SRCIN1: variants seen among roughly 807,000 people sequenced by gnomAD.
SRCIN1 encodes the protein SRC kinase signaling inhibitor 1.
In SRCIN1, 50 loss-of-function variants were observed where a neutral mutation model predicts 116.2. The observed-to-expected ratio is 0.43, with a 90% CI of 0.34 to 0.54. The LOEUF (loss-of-function observed/expected upper bound fraction) is 0.54, where lower values mean the gene tolerates loss of function less well. Among genes scored for constraint, SRCIN1 ranks in the 20% least tolerant of loss-of-function variants. The probability of loss-of-function intolerance (pLI) is 0.02; values close to 1 mark genes in which losing one functional copy is unlikely to be tolerated. For missense variants in SRCIN1, 1,446 were observed against 1,672.0 expected, an observed-to-expected ratio of 0.86 and a Z score of 2.36; for synonymous variants, 736 against 750.0, an observed-to-expected ratio of 0.98 and a Z score of 0.30.
In SRCIN1 at chr17:38,549,091, C is replaced by T. The variant is rs765311895; in HGVS notation, c.3082G>A (p.Val1028Met). 2 of 1,612,900 alleles carry T rather than the reference C, an allele frequency of 1.2e-6. No homozygotes were observed. The highest frequency in any genetic ancestry group is 1.7e-6 in the Non-Finnish European group (2 of 1,179,672). The part of the protein sequence containing the change: ...GLTTTRTGEV[V>M]VTSKKDSAFI... The stretch of plus-strand genomic sequence containing the variant: ...GCCGAGTCCTTCTTGCTGGTGACCA[C>T]CACCTCTCCGGTACGTGTGGTGGTC... The change falls in exon 16 of 19, where the codon GTG becomes ATG. Residue 1028 changes from valine (V) to methionine (M), a missense_variant. Val to Met is a conservative substitution (Grantham distance 21, BLOSUM62 1). This residue lies in a region of SRCIN1 where 531 missense variants were observed against 633.9 expected (regional missense o/e 0.84). Coordinates refer to ENST00000617146, the MANE Select transcript of SRCIN1 (RefSeq NM_025248.3).
chr17:38,551,859 C>T (rs1436046801), intron 14 of SRCIN1, 27 bp downstream of exon 14: 3 of 1,612,578 alleles, frequency 1.9e-6, no homozygotes, highest in African/African-American at 1.3e-5. Context: ...GGCTCATGGC[C>T]CCACCCACAA....
chr17:38,534,854 G>A (rs1023566096), intron 18 of SRCIN1, among the ~76,000 whole-genome samples: 1 of 152,218 alleles, frequency 6.6e-6, no homozygotes, highest in Non-Finnish European at 1.5e-5. Context: ...AGGGCCGGGT[G>A]TGGTGGCTCA....
chr17:38,580,223 G>A (rs1907709715), intron 1 of SRCIN1, among the ~76,000 whole-genome samples: 1 of 152,126 alleles, frequency 6.6e-6, no homozygotes, highest in Admixed American at 6.5e-5. Context: ...CCCCTGCCCA[G>A]CCACAGAGGA....
chr17:38,556,937 C>G (rs1359847294), intron 11 of SRCIN1, among the ~76,000 whole-genome samples: 2 of 152,100 alleles, frequency 1.3e-5, no homozygotes, highest in African/African-American at 2.4e-5. Context: ...AAATTCCAAC[C>G]CCCCTCCTCT....
Position 38,552,176 on chromosome 17 carries a change from G to C in SRCIN1, c.2481-44C>G. The C allele has an allele frequency of 6.3e-7, 1 of 1,578,004 alleles. No homozygotes were observed. The highest frequency in any genetic ancestry group is 8.6e-7 in the Non-Finnish European group (1 of 1,160,058). ...GGAGCAGCTGTGAGGCCAGCAGGTGGTGACCCTTCTGCAGGAAGGCTGCTC... is the reference window on the plus strand; with the variant it reads ...GGAGCAGCTGTGAGGCCAGCAGGTGCTGACCCTTCTGCAGGAAGGCTGCTC... On this transcript the variant is annotated intron_variant, in intron 13 of 18. Transcript: ENST00000617146. The surrounding 1 kb of genome is among the most constrained non-coding windows in gnomAD (Gnocchi z 5.3).
chr17:38,573,621 C>T (rs1907230531), intron 2 of SRCIN1, among the ~76,000 whole-genome samples: 3 of 152,342 alleles, frequency 2.0e-5, no homozygotes, highest in African/African-American at 2.4e-5. Context: ...CCCAGTCCAG[C>T]CTCACTCCTG....
rs2143195720 is a variant in SRCIN1 at position 38,562,769 on chromosome 17, G to A, written c.834+58C>T. The A allele has an allele frequency of 6.8e-7, 1 of 1,480,892 alleles. No homozygotes were observed. The highest frequency in any genetic ancestry group is 1.2e-5 in the South Asian group (1 of 85,334). 91.7% of individuals were successfully genotyped at this position (1,480,892 alleles called of 1,614,324 possible). On this transcript the variant is annotated intron_variant, in intron 6 of 18. Transcript: ENST00000617146. The surrounding 1 kb of genome is among the most constrained non-coding windows in gnomAD (Gnocchi z 4.2). ...TCCAGATGACAACTGCCCAGACCCTGCTCCCCTGGACCCCATGTGCCCAGC... is the reference window on the plus strand; with the variant it reads ...TCCAGATGACAACTGCCCAGACCCTACTCCCCTGGACCCCATGTGCCCAGC...
In SRCIN1 at chr17:38,558,469, G is replaced by A; in HGVS notation, c.2026-67C>T. 1 of 1,516,772 alleles carries A rather than the reference G, an allele frequency of 6.6e-7. No homozygotes were observed. Among genetic ancestry groups the A allele is most frequent in the African/African-American group, 1.4e-5 (1 of 71,766 alleles). The allele number at this position is 1,516,772 out of a possible 1,614,324, so 94.0% of individuals were successfully genotyped here. ...GAGCCGCGAGGCAGGGGAAGGGCCG[G>A]GAGAAGGCGGGTAGAGGACTGCCCA... On this transcript the variant is annotated intron_variant, in intron 10 of 18. Coordinates refer to ENST00000617146, the MANE Select transcript of SRCIN1 (RefSeq NM_025248.3). This position sits in a 1 kb window ranked among gnomAD's most constrained non-coding sequence, Gnocchi z 4.6.
rs992134228 is a variant in SRCIN1, at chr17:38,568,892, C to T, written c.325-661G>A. ...GCAGAGTGGGATCAGAACTAGACCC[C>T]GGGGCAGAGGTGGATGGGGTGGATC... On this transcript the variant is annotated intron_variant, in intron 2 of 18. Transcript: ENST00000617146. This position sits in a 1 kb window ranked among gnomAD's most constrained non-coding sequence, Gnocchi z 4.5. 3.5e-5 allele frequency among the ~76,000 whole-genome samples: 4 copies of T among 113,624 alleles called. No individual in the cohort carries two copies. Among genetic ancestry groups the T allele is most frequent in the South Asian group, 3.0e-4 (1 of 3,298 alleles). 74.5% of individuals were successfully genotyped at this position (113,624 alleles called of 152,430 possible). A position where few individuals can be genotyped will look rare whatever the true frequency, so the allele number is the denominator to read the frequency against.
intron 1 of SRCIN1, among the ~76,000 whole-genome samples, chr17:38,590,858 C>G (rs915543189): frequency 2.6e-5 from 4 of 152,224 alleles, no homozygotes; most frequent in African/African-American, 7.2e-5. Flanking sequence ...GCCAGAGCCC[C>G]ACAGGTCCCC....
At chr17:38,583,623 G>A (rs1022626380) in intron 1 of SRCIN1, among the ~76,000 whole-genome samples, 2 of 147,574 alleles carry the variant, frequency 1.4e-5, no homozygotes, top group Non-Finnish European at 1.5e-5. Flanking sequence ...TGCGATCTCG[G>A]CTCACTGCAA....
chr17:38,561,783 C>T lies in SRCIN1; in HGVS notation c.1380G>A (p.Pro460=), dbSNP rs909300368. The part of the protein sequence containing the change: ...SLYKAAGGGG[P]LYGDGYGFRL... ...GGAAGCCGTAGCCGTCGCCGTACAG[C>T]GGGCCGCCGCCGCCCGCCGCCTTGT... Residue 460 remains proline (P), a synonymous_variant, in exon 7 of 19, where the codon CCG becomes CCA. Transcript: ENST00000617146. 1.4e-5 allele frequency: 21 copies of T among 1,485,560 alleles called. No individual in the cohort carries two copies. The East Asian group carries it at 5.3e-4, about 37-fold the overall frequency. The allele number at this position is 1,485,560 out of a possible 1,614,324, so 92.0% of individuals were successfully genotyped here. A position where few individuals can be genotyped will look rare whatever the true frequency, so the allele number is the denominator to read the frequency against.
chr17:38,558,387 A>C lies in SRCIN1; in HGVS notation c.2041T>G (p.Ser681Ala). The change falls in exon 11 of 19, where the codon TCG (serine) becomes GCG (alanine). Residue 681 changes from serine (S) to alanine (A), a missense_variant. This residue lies in a region of SRCIN1 where 398 missense variants were observed against 385.6 expected (regional missense o/e 1.03). Transcript: ENST00000617146. The surrounding 1 kb of genome is among the most constrained non-coding windows in gnomAD (Gnocchi z 4.6). Reference sequence around the variant, plus strand: ...GTGCGCTTCAGCAGCGCGCGCACCGACTCCTGGTTCTGTAGCTGCGGGACG... The same window carrying C: ...GTGCGCTTCAGCAGCGCGCGCACCGCCTCCTGGTTCTGTAGCTGCGGGACG... ...LRKLQLQNQE[S>A]VRALLKRTEA... 2 of 1,601,830 alleles carry C rather than the reference A, an allele frequency of 1.2e-6. No individual in the cohort carries two copies. The highest frequency in any genetic ancestry group is 1.7e-6 in the Non-Finnish European group (2 of 1,178,318).
Position 38,568,721 on chromosome 17 carries a change from T to C in SRCIN1, c.325-490A>G, listed in dbSNP as rs575775411. Among the ~76,000 whole-genome samples, 83 of 152,078 alleles carry C rather than the reference T, an allele frequency of 5.5e-4. No homozygotes were observed. The highest frequency in any genetic ancestry group is 3.5e-3 in the South Asian group (17 of 4,820). On this transcript the variant is annotated intron_variant, in intron 2 of 18. Coordinates refer to ENST00000617146, the MANE Select transcript of SRCIN1 (RefSeq NM_025248.3). This position sits in a 1 kb window ranked among gnomAD's most constrained non-coding sequence, Gnocchi z 4.5. ...GGTTGAGGCAAGTCACTAGTCCACA[T>C]TGGCTGGGGCGCAGCTGGGAAAGTA...
intron 1 of SRCIN1, 79 bp downstream of exon 1, chr17:38,605,605 G>A: frequency 2.4e-6 from 3 of 1,224,536 alleles, no homozygotes; most frequent in Non-Finnish European, 3.2e-6. Context: ...CGGCCGAGGG[G>A]GAAAACACAC....
Position 38,548,602 on chromosome 17 carries a change from G to A in SRCIN1, c.3225C>T (p.Ala1075=). ...GATCCTCGTCATCCTCGTCCTTGAT[G>A]GCCGAGGCCATGATGGGTGGTGTGG... ...PASTPPIMAS[A]IKDEDDEDRI... is the part of the protein sequence containing the mutation. The change falls in exon 17 of 19, where the codon GCC becomes GCT. Residue 1075 remains alanine (A), a synonymous_variant. Transcript: ENST00000617146. The A allele has an allele frequency of 6.2e-7, 1 of 1,613,060 alleles. No homozygotes were observed.
rs1188511744 is a variant in SRCIN1 at position 38,549,225 on chromosome 17, G to T, written c.2963-15C>A. ...GGTCAACTCATCTGCAGGCACCAAG[G>T]GGCTGGGGGTCAGCAGGCCTGCAAC... On this transcript the variant is annotated splice_polypyrimidine_tract_variant and intron_variant, in intron 15 of 18. Transcript: ENST00000617146. 9.3e-6 allele frequency: 14 copies of T among 1,503,116 alleles called. No homozygotes were observed. The highest frequency in any genetic ancestry group is 1.2e-5 in the Non-Finnish European group (14 of 1,131,248). The allele number at this position is 1,503,116 out of a possible 1,614,324, so 93.1% of individuals were successfully genotyped here. A position where few individuals can be genotyped will look rare whatever the true frequency, so the allele number is the denominator to read the frequency against.
chr17:38,537,179 C>CA (rs949769470), intron 18 of SRCIN1, among the ~76,000 whole-genome samples: 2 of 145,350 alleles, frequency 1.4e-5, no homozygotes, highest in Non-Finnish European at 3.0e-5. Context: ...GACTCTATCT[C>CA]AAAAAAAAAT....
Position 38,605,665 on chromosome 17 carries a change from G to A in SRCIN1, c.22+19C>T. On this transcript the variant is annotated intron_variant, in intron 1 of 18. Coordinates refer to ENST00000617146, the MANE Select transcript of SRCIN1 (RefSeq NM_025248.3). ...TTAAGCATGGAGGCACATTAGGGAG[G>A]AGAGAGACAGGGACATGCCTTGGGA... is the stretch of plus-strand genomic sequence containing the variant. 7.3e-7 allele frequency: 1 copy of A among 1,371,960 alleles called. No homozygotes were observed. Among genetic ancestry groups the A allele is most frequent in the South Asian group, 1.6e-5 (1 of 64,180 alleles). 85.0% of individuals were successfully genotyped at this position (1,371,960 alleles called of 1,614,324 possible).
Sources: gnomAD v4.1 joint callset for allele counts (sites outside exome capture counted in the v4.1 genomes callset) on GRCh38, gnomAD v4.1.1 for gene constraint, gnomAD v4.1.1 regional missense constraint, Gnocchi (gnomAD v3.1) non-coding constraint, MANE v1.5 for transcripts, NCBI Gene and HGNC (gene_info 2026-07-23, HGNC 2026-07-21) for gene names.